The following PRR23C variants were observed in gnomAD, a reference collection of about 807,000 sequenced individuals.
PRR23C encodes the protein proline-rich protein 23C.
In PRR23C, 1 loss-of-function variant was observed where a neutral mutation model predicts 0.1. The observed-to-expected ratio is 6.80, with a 90% CI of 2.41 to 32.24. PRR23C has a LOEUF of 32.24. Among genes scored for constraint, PRR23C ranks in the 30% most tolerant of loss-of-function variants. PRR23C has a pLI of 0.11. For missense variants in PRR23C, 361 were observed against 370.4 expected, an observed-to-expected ratio of 0.97 and a Z score of 0.21; for synonymous variants, 172 against 168.1, an observed-to-expected ratio of 1.02 and a Z score of -0.18.
In PRR23C at chr3:139,044,308, G is replaced by T. The variant is rs1937177432; in HGVS notation, c.313C>A (p.Leu105Met). Residue 105 changes from leucine to methionine, a missense_variant, in exon 1 of 1, where the codon CTG becomes ATG. Transcript: ENST00000413199. This position sits in a 1 kb window ranked among gnomAD's most constrained non-coding sequence, Gnocchi z 7.5. ...HTLIVIPEVLLSSVDECSGAQ... is the reference protein window; with the variant it reads ...HTLIVIPEVLMSSVDECSGAQ... ...CCTGAGCATTCGTCGACGGAGCTCAGGAGGACCTCGGGGATCACGATGAGG... is the reference window on the plus strand; with the variant it reads ...CCTGAGCATTCGTCGACGGAGCTCATGAGGACCTCGGGGATCACGATGAGG... 3.1e-6 allele frequency: 5 copies of T among 1,610,470 alleles called. No individual in the cohort carries two copies. Among genetic ancestry groups the T allele is most frequent in the African/African-American group, 1.3e-5 (1 of 74,848 alleles).
Position 139,044,868 on chromosome 3 carries a change from T to A in PRR23C, c.-248A>T. 1 of 503,138 alleles carries A rather than the reference T, an allele frequency of 2.0e-6. No homozygotes were observed. The allele number at this position is 503,138 out of a possible 1,614,324, so 31.2% of individuals were successfully genotyped here. On this transcript the variant is annotated 5_prime_UTR_variant, in exon 1 of 1. Transcript: ENST00000413199. This position sits in a 1 kb window ranked among gnomAD's most constrained non-coding sequence, Gnocchi z 7.5. ...TGGGCCTTCCTGACGCAGACCCGGA[T>A]GCGCACTGCAAAGCCAATTATGTTG...
At position 139,044,729 on chromosome 3, in the gene PRR23C, C is replaced by G. The variant is rs1275923327; in HGVS notation, c.-109G>C. 2 of 1,269,560 alleles carry G rather than the reference C, an allele frequency of 1.6e-6. No homozygotes were observed. The highest frequency in any genetic ancestry group is 3.2e-5 in the African/African-American group (2 of 62,382). The allele number at this position is 1,269,560 out of a possible 1,614,324, so 78.6% of individuals were successfully genotyped here. A position where few individuals can be genotyped will look rare whatever the true frequency, so the allele number is the denominator to read the frequency against. ...GAGGTAACAGGTGTCGGCAGGACCG[C>G]GCGACGCGGGGCGAGTCCTCGGAGC... On this transcript the variant is annotated 5_prime_UTR_variant, in exon 1 of 1. Coordinates refer to ENST00000413199, the MANE Select transcript of PRR23C (RefSeq NM_001134657.1). This position sits in a 1 kb window ranked among gnomAD's most constrained non-coding sequence, Gnocchi z 7.5.
chr3:139,043,987 G>C lies in PRR23C; in HGVS notation c.634C>G (p.Arg212Gly). 1 of 1,611,932 alleles carries C rather than the reference G, an allele frequency of 6.2e-7. No homozygotes were observed. The highest frequency in any genetic ancestry group is 8.5e-7 in the Non-Finnish European group (1 of 1,178,952). ...PNPSSERRSP[R>G]PIFDLEFHLL... ...TGGAATTCCAGGTCGAAGATGGGGC[G>C]TGGAGAGCGTCTCTCTGAACTGGGG... Residue 212 changes from arginine to glycine, a missense_variant, in exon 1 of 1, where the codon CGC becomes GGC. Arg to Gly is a moderately radical substitution (Grantham distance 125). Transcript: ENST00000413199.
chr3:139,043,638 A>T lies in PRR23C; in HGVS notation c.*194T>A. ...CAACTAGCGTATTTTTATGCTGAGG[A>T]GGAGGATCTTTTTTTTCCAGACTTT... On this transcript the variant is annotated 3_prime_UTR_variant, in exon 1 of 1. Coordinates refer to ENST00000413199, the MANE Select transcript of PRR23C (RefSeq NM_001134657.1). The T allele has an allele frequency of 1.8e-6, 1 of 545,254 alleles. No individual in the cohort carries two copies. The highest frequency in any genetic ancestry group is 3.2e-6 in the Non-Finnish European group (1 of 316,150). 33.8% of individuals were successfully genotyped at this position (545,254 alleles called of 1,614,324 possible).
chr3:139,044,237 C>T lies in PRR23C; in HGVS notation c.384G>A (p.Leu128=), dbSNP rs534813947. The change falls in exon 1 of 1, where the codon CTG becomes CTA. Residue 128 remains leucine, a synonymous_variant. Transcript: ENST00000413199. This position sits in a 1 kb window ranked among gnomAD's most constrained non-coding sequence, Gnocchi z 7.5. ...CGACGACGTCTTCCCCGTGAGCGCCCAGGAAAACGTCCACTTCCAGGCCGG... is the reference window on the plus strand; with the variant it reads ...CGACGACGTCTTCCCCGTGAGCGCCTAGGAAAACGTCCACTTCCAGGCCGG... ...WSAGLEVDVF[L]GAHGEDVVVE... is the part of the protein sequence containing the mutation. 75 of 1,610,708 alleles carry T rather than the reference C, an allele frequency of 4.7e-5. 2 individuals carry two copies. The South Asian group carries it at 7.9e-4, about 17-fold the overall frequency.
In PRR23C at chr3:139,042,159, A is replaced by G. The variant is rs1228791828; in HGVS notation, c.*1673T>C. On this transcript the variant is annotated 3_prime_UTR_variant, in exon 1 of 1. Transcript: ENST00000413199. ...ACATTTAAAACCTTAAATGCACCCT[A>G]CAGTTACTGCCTTTCTCCTTCCACT... is the stretch of plus-strand genomic sequence containing the variant. 2 of 152,170 alleles carry G rather than the reference A, an allele frequency of 1.3e-5. No individual in the cohort carries two copies. The highest frequency in any genetic ancestry group is 2.9e-5 in the Non-Finnish European group (2 of 68,036). 9.4% of individuals were successfully genotyped at this position (152,170 alleles called of 1,614,324 possible).
rs1937159803 is a variant in PRR23C at position 139,043,185 on chromosome 3, TA to T, written c.*646del. 6.6e-6 allele frequency: 1 copy of T among 152,122 alleles called. No individual in the cohort carries two copies. Among genetic ancestry groups the T allele is most frequent in the African/African-American group, 2.4e-5 (1 of 41,420 alleles). The allele number at this position is 152,122 out of a possible 1,614,324, so 9.4% of individuals were successfully genotyped here. A position where few individuals can be genotyped will look rare whatever the true frequency, so the allele number is the denominator to read the frequency against. Reference sequence around the variant, plus strand: ...ATGGAAAAGAGCTGGCTCTAAGAGTTAGGGGGGAAATAAAGCCCAATAACAT... The same window carrying T: ...ATGGAAAAGAGCTGGCTCTAAGAGTTGGGGGGAAATAAAGCCCAATAACAT... On this transcript the variant is annotated 3_prime_UTR_variant, in exon 1 of 1. Transcript: ENST00000413199.
At position 139,043,755 on chromosome 3, in the gene PRR23C, C is replaced by A; in HGVS notation, c.*77G>T. The A allele has an allele frequency of 7.6e-7, 1 of 1,312,488 alleles. No individual in the cohort carries two copies. 81.3% of individuals were successfully genotyped at this position (1,312,488 alleles called of 1,614,324 possible). On this transcript the variant is annotated 3_prime_UTR_variant, in exon 1 of 1. Coordinates refer to ENST00000413199, the MANE Select transcript of PRR23C (RefSeq NM_001134657.1). Reference sequence around the variant, plus strand: ...CACTCTCCGAGATCCTTGTAGGTTGCGCAACATACACACAACGGCTATCAG... The same window carrying A: ...CACTCTCCGAGATCCTTGTAGGTTGAGCAACATACACACAACGGCTATCAG...
At position 139,044,147 on chromosome 3, in the gene PRR23C, G is replaced by C. The variant is rs369973053; in HGVS notation, c.474C>G (p.Asp158Glu). Residue 158 changes from aspartate to glutamate, a missense_variant, in exon 1 of 1, where the codon GAC becomes GAG. By Grantham distance (45) the Asp-to-Glu change is conservative. Coordinates refer to ENST00000413199, the MANE Select transcript of PRR23C (RefSeq NM_001134657.1). The surrounding 1 kb of genome is among the most constrained non-coding windows in gnomAD (Gnocchi z 7.5). ...AGAGCTCCGGGAACTCAGAGTCCGC[G>C]TCCTCCTCGTAGGCCTCTTCCTCGG... ...IAAEEEAYEEDADSEFPELWM... is the reference protein window; with the variant it reads ...IAAEEEAYEEEADSEFPELWM... 6.2e-7 allele frequency: 1 copy of C among 1,613,084 alleles called. No homozygotes were observed. Among genetic ancestry groups the C allele is most frequent in the Admixed American group, 1.7e-5 (1 of 59,896 alleles).
chr3:139,044,216 G>T lies in PRR23C; in HGVS notation c.405C>A (p.Val135=), dbSNP rs141538923. The T allele has an allele frequency of 1.2e-6, 2 of 1,612,504 alleles. No homozygotes were observed. Among genetic ancestry groups the T allele is most frequent in the African/African-American group, 2.7e-5 (2 of 75,022 alleles). The stretch of plus-strand genomic sequence containing the variant: ...ATGCGCAGACTTCCTGCTCGACGAC[G>T]ACGTCTTCCCCGTGAGCGCCCAGGA... The part of the protein sequence containing the change: ...DVFLGAHGED[V]VVEQEVCASV... The change falls in exon 1 of 1, where the codon GTC becomes GTA. Residue 135 remains valine, a synonymous_variant. Coordinates refer to ENST00000413199, the MANE Select transcript of PRR23C (RefSeq NM_001134657.1). This position sits in a 1 kb window ranked among gnomAD's most constrained non-coding sequence, Gnocchi z 7.5.
Position 139,043,894 on chromosome 3 carries a change from C to T in PRR23C, c.727G>A (p.Ala243Thr), listed in dbSNP as rs752452673. 1 of 1,581,998 alleles carries T rather than the reference C, an allele frequency of 6.3e-7. No individual in the cohort carries two copies. Among genetic ancestry groups the T allele is most frequent in the Non-Finnish European group, 8.6e-7 (1 of 1,164,582 alleles). ...LPPSPSPGPH[A>T]RPELPERPPC... is the part of the protein sequence containing the mutation. ...GGGCGCTCTGGGAGCTCCGGGCGCG[C>T]GTGGGGACCTGGACTCGGAGAGGGA... The change falls in exon 1 of 1, where the codon GCG (alanine) becomes ACG (threonine). Residue 243 changes from alanine to threonine, a missense_variant. Physicochemically the swap from Ala to Thr is moderately conservative, Grantham distance 58. Transcript: ENST00000413199.
rs1937183966 is a variant in PRR23C, at chr3:139,044,659, C to G, written c.-39G>C. 1 of 1,456,550 alleles carries G rather than the reference C, an allele frequency of 6.9e-7. No individual in the cohort carries two copies. The highest frequency in any genetic ancestry group is 9.0e-7 in the Non-Finnish European group (1 of 1,114,036). The allele number at this position is 1,456,550 out of a possible 1,614,324, so 90.2% of individuals were successfully genotyped here. A position where few individuals can be genotyped will look rare whatever the true frequency, so the allele number is the denominator to read the frequency against. ...CTGCGGACGGCGCTCCTGGGCCTGG[C>G]AGGGGACGTGGGTGCGGGGGGCTCG... On this transcript the variant is annotated 5_prime_UTR_variant, in exon 1 of 1. Transcript: ENST00000413199. The surrounding 1 kb of genome is among the most constrained non-coding windows in gnomAD (Gnocchi z 7.5).
Position 139,044,145 on chromosome 3 carries a change from G to A in PRR23C, c.476C>T (p.Ala159Val), listed in dbSNP as rs760203167. 40 of 1,612,906 alleles carry A rather than the reference G, an allele frequency of 2.5e-5. 1 individual carries two copies. Among genetic ancestry groups the A allele is most frequent in the African/African-American group, 1.7e-4 (13 of 74,928 alleles). The change falls in exon 1 of 1, where the codon GCG (alanine) becomes GTG (valine). Residue 159 changes from alanine to valine, a missense_variant. By Grantham distance (64) the Ala-to-Val change is moderately conservative (BLOSUM62 0). Transcript: ENST00000413199. This position sits in a 1 kb window ranked among gnomAD's most constrained non-coding sequence, Gnocchi z 7.5. ...CCAGAGCTCCGGGAACTCAGAGTCC[G>A]CGTCCTCCTCGTAGGCCTCTTCCTC... is the stretch of plus-strand genomic sequence containing the variant. ...AAEEEAYEED[A>V]DSEFPELWMD...
In PRR23C at chr3:139,044,659, C is replaced by T; in HGVS notation, c.-39G>A. 6.9e-7 allele frequency: 1 copy of T among 1,456,550 alleles called. No homozygotes were observed. The highest frequency in any genetic ancestry group is 9.0e-7 in the Non-Finnish European group (1 of 1,114,036). 90.2% of individuals were successfully genotyped at this position (1,456,550 alleles called of 1,614,324 possible). A position where few individuals can be genotyped will look rare whatever the true frequency, so the allele number is the denominator to read the frequency against. ...CTGCGGACGGCGCTCCTGGGCCTGG[C>T]AGGGGACGTGGGTGCGGGGGGCTCG... On this transcript the variant is annotated 5_prime_UTR_variant, in exon 1 of 1. Transcript: ENST00000413199. The surrounding 1 kb of genome is among the most constrained non-coding windows in gnomAD (Gnocchi z 7.5).
Position 139,043,760 on chromosome 3 carries a change from C to A in PRR23C, c.*72G>T. ...TCCGAGATCCTTGTAGGTTGCGCAA[C>A]ATACACACAACGGCTATCAGGAGAC... On this transcript the variant is annotated 3_prime_UTR_variant, in exon 1 of 1. Transcript: ENST00000413199. 7.4e-7 allele frequency: 1 copy of A among 1,357,242 alleles called. No homozygotes were observed. Among genetic ancestry groups the A allele is most frequent in the Middle Eastern group, 1.9e-4 (1 of 5,328 alleles). The allele number at this position is 1,357,242 out of a possible 1,614,324, so 84.1% of individuals were successfully genotyped here.
rs1161571536 is a variant in PRR23C, at chr3:139,044,532, C to A, written c.89G>T (p.Arg30Leu). The change falls in exon 1 of 1, where the codon CGA (arginine) becomes CTA (leucine). Residue 30 changes from arginine to leucine, a missense_variant. By Grantham distance (102) the Arg-to-Leu change is moderately radical (BLOSUM62 -2). Transcript: ENST00000413199. The surrounding 1 kb of genome is among the most constrained non-coding windows in gnomAD (Gnocchi z 7.5). ...TTCGGGGCCCGCGGGCTCCTCCAAT[C>A]GGCTGCGCTTGGCAGGGCCTGGTCC... is the stretch of plus-strand genomic sequence containing the variant. ...PGGPGPAKRS[R>L]LEEPAGPESR... 1.9e-6 allele frequency: 3 copies of A among 1,544,794 alleles called. No individual in the cohort carries two copies. Among genetic ancestry groups the A allele is most frequent in the Non-Finnish European group, 2.6e-6 (3 of 1,146,000 alleles).
At position 139,044,553 on chromosome 3, in the gene PRR23C, G is replaced by C; in HGVS notation, c.68C>G (p.Pro23Arg). The change falls in exon 1 of 1, where the codon CCA becomes CGA. Residue 23 changes from proline (P) to arginine (R), a missense_variant. Coordinates refer to ENST00000413199, the MANE Select transcript of PRR23C (RefSeq NM_001134657.1). This position sits in a 1 kb window ranked among gnomAD's most constrained non-coding sequence, Gnocchi z 7.5. ...CAATCGGCTGCGCTTGGCAGGGCCT[G>C]GTCCTCCTGGCTGCTGTCCCCACCA... The part of the protein sequence containing the change: ...APWWGQQPGG[P>R]GPAKRSRLEE... 3.2e-6 allele frequency: 5 copies of C among 1,542,420 alleles called. No homozygotes were observed. Among genetic ancestry groups the C allele is most frequent in the Non-Finnish European group, 4.4e-6 (5 of 1,146,074 alleles).
At chr3:139,044,493 GGC>G in the PRR23C span, 3 of 1,542,118 alleles carry the variant, frequency 1.9e-6, no homozygotes, top group South Asian at 2.4e-5. The surrounding 1 kb of genome is among the most constrained non-coding windows in gnomAD (Gnocchi z 7.5). Context: ...TTCCGGGCTG[GGC>G]GCCGCTCGGG....
chr3:139,044,513 G>GC, the PRR23C span: 1 of 1,544,510 alleles, frequency 6.5e-7, no homozygotes, highest in Non-Finnish European at 8.7e-7. This position sits in a 1 kb window ranked among gnomAD's most constrained non-coding sequence, Gnocchi z 7.5. Context: ...GGGATTCGGG[G>GC]CCCGCGGGCT....
Sources: gnomAD v4.1 joint callset for allele counts on GRCh38, gnomAD v4.1.1 for gene constraint, Gnocchi (gnomAD v3.1) non-coding constraint, MANE v1.5 for transcripts, NCBI Gene and HGNC (gene_info 2026-07-23, HGNC 2026-07-21) for gene names.